The following BACH2 variants were observed in gnomAD, a reference collection of about 807,000 sequenced individuals.
The protein encoded by BACH2 is BACH transcriptional regulator 2, also known as transcription regulator protein BACH2.
A neutral mutation model predicts 61.8 loss-of-function variants in BACH2; 5 were observed. The ratio of observed to expected loss-of-function variants is 0.08; its 90% CI spans 0.04 to 0.17. The LOEUF is 0.17. Among genes scored for constraint, BACH2 ranks in the 10% least tolerant of loss-of-function variants. BACH2 has a pLI of 1.00. For missense variants in BACH2, 824 were observed against 1,091.1 expected (o/e 0.76, Z 3.45); for synonymous variants, 446 against 440.1 (o/e 1.01, Z -0.17).
chr6:89,939,515 C>A (rs1389362998), intron 7 of BACH2, among the ~76,000 whole-genome samples: 4 of 152,142 alleles, frequency 2.6e-5, no homozygotes, highest in Non-Finnish European at 5.9e-5. Context: ...GATGCAGGTA[C>A]TTGCCAGCAA....
chr6:89,990,897 A>G (rs1317051762), intron 6 of BACH2, among the ~76,000 whole-genome samples: 1 of 152,244 alleles, frequency 6.6e-6, no homozygotes, highest in Non-Finnish European at 1.5e-5. Context: ...CACACAGTAG[A>G]TGCTCAATGC....
intron 3 of BACH2, among the ~76,000 whole-genome samples, chr6:90,210,313 AC>A (rs1769299565): frequency 1.1e-4 from 1 of 9,036 alleles, no homozygotes; most frequent in Admixed American, 1.2e-3. Context: ...CCCCAAAACA[AC>A]ACACACACAC....
intron 5 of BACH2, among the ~76,000 whole-genome samples, chr6:90,021,236 C>T (rs1462973240): frequency 2.0e-5 from 3 of 148,774 alleles, no homozygotes; most frequent in Non-Finnish European, 3.0e-5. Flanking sequence ...CATTCATTAT[C>T]GGGTCATATT....
rs78310814 is a variant in BACH2, at chr6:89,954,730, T to C, written c.244-2868A>G. Among the ~76,000 whole-genome samples the C allele has an allele frequency of 1.7e-4, 26 of 152,002 alleles. No individual in the cohort carries two copies. The East Asian group carries it at 5.0e-3, about 29-fold the overall frequency. ...ACGAGCTGATGCTTAAATGTATGAA[T>C]TGGACCAAGGAGGTGAATGAGCAAA... On this transcript the variant is annotated intron_variant, in intron 6 of 8. Transcript: ENST00000257749.
chr6:90,266,099 C>T (rs752240841), intron 2 of BACH2, among the ~76,000 whole-genome samples: 9 of 152,154 alleles, frequency 5.9e-5, no homozygotes, highest in Non-Finnish European at 1.2e-4. Context: ...AGCTCCAACC[C>T]AGATGCTAAA....
chr6:90,283,097 T>C (rs1771907121), intron 1 of BACH2, among the ~76,000 whole-genome samples: 2 of 152,372 alleles, frequency 1.3e-5, no homozygotes, highest in Admixed American at 1.3e-4. Flanking sequence ...ATGTGTTTGT[T>C]TATTAATGAA....
chr6:90,029,997 G>C (rs900651984), intron 5 of BACH2, among the ~76,000 whole-genome samples: 9 of 152,216 alleles, frequency 5.9e-5, no homozygotes, highest in Admixed American at 1.3e-4. Flanking sequence ...AGAAGGTCTT[G>C]AGTGTGCTTT....
intron 6 of BACH2, among the ~76,000 whole-genome samples, chr6:89,980,472 A>G (rs1484980053): frequency 1.3e-5 from 2 of 152,172 alleles, no homozygotes; most frequent in Non-Finnish European, 2.9e-5. Context: ...TATTGTTATG[A>G]TTATTGCCAT....
intron 3 of BACH2, among the ~76,000 whole-genome samples, chr6:90,214,777 T>C (rs938627609): frequency 5.3e-5 from 7 of 132,376 alleles, no homozygotes; most frequent in South Asian, 4.8e-4. Flanking sequence ...TTTTTTTTTT[T>C]CTGAGACAGG....
At chr6:90,172,254 C>T (rs543466988) in intron 4 of BACH2, among the ~76,000 whole-genome samples, 20 of 146,578 alleles carry the variant, frequency 1.4e-4, no homozygotes, top group African/African-American at 4.0e-4. Context: ...TGCAGTGAGC[C>T]GAGATCATGC....
chr6:89,934,345 T>C (rs1384756145), intron 8 of BACH2, among the ~76,000 whole-genome samples: 1 of 152,168 alleles, frequency 6.6e-6, no homozygotes, highest in East Asian at 1.9e-4. Context: ...TGGAGACTAA[T>C]TAAGGTTTTA....
At chr6:90,014,768 T>C (rs1777964862) in intron 5 of BACH2, among the ~76,000 whole-genome samples, 1 of 151,272 alleles carries the variant, frequency 6.6e-6, no homozygotes, top group Non-Finnish European at 1.5e-5. Flanking sequence ...CTACCGCCCC[T>C]GGCCTTTTTA....
At chr6:90,296,183 A>C (rs936402052) in intron 1 of BACH2, among the ~76,000 whole-genome samples, 2 of 151,612 alleles carry the variant, frequency 1.3e-5, no homozygotes, top group East Asian at 2.0e-4. Context: ...GTTCCAAAAC[A>C]CCCTTCGACG....
chr6:90,137,841 G>A (rs893986476), intron 4 of BACH2, among the ~76,000 whole-genome samples: 6 of 152,072 alleles, frequency 3.9e-5, no homozygotes, highest in Non-Finnish European at 8.8e-5. Context: ...AATAAGATTC[G>A]GCTGCTGTCT....
rs1019556271 is a variant in BACH2 at position 90,249,948 on chromosome 6, G to A, written c.-275+2565C>T. Among the ~76,000 whole-genome samples, 9 of 152,132 alleles carry A rather than the reference G, an allele frequency of 5.9e-5. No homozygotes were observed. In the East Asian group the frequency reaches 1.3e-3, roughly 23 times the overall value. ...TTAATAGGTGGTAGGTTTTTAAATG[G>A]GAGATAGGTTATTTCTTCCTTTCTC... On this transcript the variant is annotated intron_variant, in intron 3 of 8. Coordinates refer to ENST00000257749, the MANE Select transcript of BACH2 (RefSeq NM_021813.4).
At chr6:90,217,619 T>C (rs2127854372) in intron 3 of BACH2, among the ~76,000 whole-genome samples, 1 of 152,306 alleles carries the variant, frequency 6.6e-6, no homozygotes, top group East Asian at 1.9e-4. Context: ...TTAGATAATC[T>C]ACTCACTATT....
intron 4 of BACH2, among the ~76,000 whole-genome samples, chr6:90,147,199 T>C (rs1784651437): frequency 6.6e-6 from 1 of 152,194 alleles, no homozygotes; most frequent in Non-Finnish European, 1.5e-5. Context: ...TTGCAAAGTA[T>C]CTGAGGGTAG....
chr6:90,255,041 G>A (rs1208152366), intron 2 of BACH2, among the ~76,000 whole-genome samples: 1 of 152,106 alleles, frequency 6.6e-6, no homozygotes, highest in Non-Finnish European at 1.5e-5. Flanking sequence ...ACAAACTTCA[G>A]AGCCCTAATA....
intron 3 of BACH2, among the ~76,000 whole-genome samples, chr6:90,220,213 C>T (rs915661894): frequency 6.6e-6 from 1 of 152,154 alleles, no homozygotes; most frequent in African/African-American, 2.4e-5. Flanking sequence ...TAACTCTATA[C>T]ATTTTTAAAT....
Sources: allele counts gnomAD v4.1 joint callset (sites outside exome capture counted in the v4.1 genomes callset), GRCh38; gene constraint gnomAD v4.1.1; transcripts MANE v1.5; gene names NCBI Gene and HGNC (gene_info 2026-07-23, HGNC 2026-07-21).